Variants in PPP4R1 observed in about 807,000 individuals in gnomAD.
PPP4R1 encodes serine/threonine-protein phosphatase 4 regulatory subunit 1.
PPP4R1 carries 42 observed loss-of-function variants against 111.2 expected under a neutral mutation model. The ratio of observed to expected loss-of-function variants is 0.38; its 90% CI spans 0.29 to 0.49. The LOEUF is 0.49. Ranked by LOEUF, PPP4R1 falls within the 20% of genes least tolerant of loss-of-function variation. The pLI is 0.97. For synonymous variants in PPP4R1, 409 were observed against 405.5 expected (o/e 1.01, Z -0.10); for missense variants, 1,012 against 1,161.6 (o/e 0.87, Z 1.87).
intron 2 of PPP4R1, chr18:9,599,857 AAAAAACTC>A (rs1286827431): frequency 1.3e-5 from 2 of 152,116 alleles, no homozygotes; most frequent in Admixed American, 6.5e-5. Context: ...GGGCAGTGGG[AAAAAACTC>A]CTACAGCTGT....
upstream of PPP4R1, chr18:9,614,609 G>GGCGC (rs901272128): frequency 3.8e-6 from 2 of 521,658 alleles, no homozygotes; most frequent in Non-Finnish European, 4.9e-6. The surrounding 1 kb of genome is among the most constrained non-coding windows in gnomAD (Gnocchi z 4.1). Flanking sequence ...GGCTGGCGGG[G>GGCGC]GCGCGCGCGC....
At chr18:9,556,938 A>G (rs2066597201) in intron 15 of PPP4R1, 1 of 247,840 alleles carries the variant, frequency 4.0e-6, no homozygotes, top group Non-Finnish European at 7.7e-6. Context: ...GCATGTACTG[A>G]GGGATGACTG....
intron 9 of PPP4R1, among the ~76,000 whole-genome samples, chr18:9,581,507 T>C (rs2067028641): frequency 6.6e-6 from 1 of 151,464 alleles, no homozygotes; most frequent in East Asian, 2.0e-4. Context: ...GATAGATCAA[T>C]AGAGATTATG....
intron 6 of PPP4R1, 112 bp downstream of exon 6, chr18:9,587,977 A>G (rs2145214856): frequency 2.2e-6 from 3 of 1,361,872 alleles, no homozygotes; most frequent in South Asian, 2.8e-5. Context: ...TCGGCCTCCC[A>G]AAGTGCTGGA....
At chr18:9,589,272 A>T (rs924502626) in intron 4 of PPP4R1, among the ~76,000 whole-genome samples, 1 of 152,172 alleles carries the variant, frequency 6.6e-6, no homozygotes, top group Non-Finnish European at 1.5e-5. Context: ...CCTAATCTCA[A>T]CTTAGTCAAT....
chr18:9,585,000 C>G (rs2067093214), intron 6 of PPP4R1, among the ~76,000 whole-genome samples, 172 bp from the exon 7 acceptor site: 1 of 152,134 alleles, frequency 6.6e-6, no homozygotes, highest in Admixed American at 6.5e-5. Flanking sequence ...TCTTATTTAT[C>G]TAAGTAGGAA....
At chr18:9,592,420 T>C (rs1454199386) in intron 4 of PPP4R1, among the ~76,000 whole-genome samples, 2 of 146,930 alleles carry the variant, frequency 1.4e-5, no homozygotes, top group African/African-American at 2.7e-5. Flanking sequence ...TAAATGTCAC[T>C]AACTTTCTGA....
chr18:9,571,876 A>C (rs2066867863), intron 10 of PPP4R1, among the ~76,000 whole-genome samples: 2 of 152,212 alleles, frequency 1.3e-5, no homozygotes, highest in South Asian at 2.1e-4. Flanking sequence ...TCATGTAGTA[A>C]GGAAATTGTT....
intron 2 of PPP4R1, among the ~76,000 whole-genome samples, chr18:9,596,733 G>A (rs2067296176): frequency 6.6e-6 from 1 of 152,130 alleles, no homozygotes; most frequent in Non-Finnish European, 1.5e-5. Context: ...ATTTTAAAAT[G>A]CTTGTTTTTA....
intron 2 of PPP4R1, among the ~76,000 whole-genome samples, chr18:9,605,663 AT>A: frequency 6.6e-6 from 1 of 151,776 alleles, no homozygotes; most frequent in East Asian, 1.9e-4. Flanking sequence ...AAAAATGTCA[AT>A]TTCATGAATG....
intron 11 of PPP4R1, chr18:9,563,887 G>A (rs1015351082): frequency 1.7e-5 from 3 of 173,072 alleles, no homozygotes; most frequent in Non-Finnish European, 3.7e-5. Context: ...TTTTGGTAGT[G>A]CATGAATCAA....
At chr18:9,557,440 T>A in intron 14 of PPP4R1, 58 bp from the exon 15 acceptor site, 3 of 1,435,746 alleles carry the variant, frequency 2.1e-6, no homozygotes, top group Non-Finnish European at 1.9e-6. Flanking sequence ...ACTTTAACCA[T>A]TAGGCAATAT....
chr18:9,571,018 C>A (rs2066853857), intron 10 of PPP4R1, among the ~76,000 whole-genome samples: 1 of 152,042 alleles, frequency 6.6e-6, no homozygotes, highest in African/African-American at 2.4e-5. Context: ...AACAGAAATT[C>A]CTACAATCAT....
intron 2 of PPP4R1, among the ~76,000 whole-genome samples, chr18:9,601,417 T>C (rs1290220951): frequency 1.3e-5 from 2 of 151,902 alleles, no homozygotes; most frequent in Non-Finnish European, 2.9e-5. Context: ...TTCCAGCTAC[T>C]TGGGAGGCTG....
Position 9,547,600 on chromosome 18 carries a change from T to G in PPP4R1, c.*189A>C. 4 of 571,800 alleles carry G rather than the reference T, an allele frequency of 7.0e-6. No homozygotes were observed. In the East Asian group the frequency reaches 1.1e-4, roughly 16 times the overall value. 35.4% of individuals were successfully genotyped at this position (571,800 alleles called of 1,614,324 possible). ...CCTTAAAGTCAAGATAAGATAATAGTGTTTACTGTACTTTCTCTTGACTCT... is the reference window on the plus strand; with the variant it reads ...CCTTAAAGTCAAGATAAGATAATAGGGTTTACTGTACTTTCTCTTGACTCT... On this transcript the variant is annotated 3_prime_UTR_variant, in exon 20 of 20. Coordinates refer to ENST00000400556, the MANE Select transcript of PPP4R1 (RefSeq NM_001042388.3).
upstream of PPP4R1, among the ~76,000 whole-genome samples, chr18:9,615,761 T>C (rs2067681212): frequency 6.6e-6 from 1 of 152,210 alleles, no homozygotes; most frequent in Non-Finnish European, 1.5e-5. Context: ...AGTAGTTAAT[T>C]AGCTTGTTCC....
intron 14 of PPP4R1, among the ~76,000 whole-genome samples, chr18:9,558,083 AC>A (rs1485527404): frequency 5.9e-5 from 9 of 152,360 alleles, no homozygotes; most frequent in African/African-American, 1.9e-4. Context: ...TAAGTTAAAA[AC>A]ATCCTTTTCT....
At chr18:9,558,947 C>T (rs186776758) in intron 14 of PPP4R1, among the ~76,000 whole-genome samples, 46 of 152,202 alleles carry the variant, frequency 3.0e-4, no homozygotes, top group East Asian at 7.7e-4. Flanking sequence ...GCAAGAACCA[C>T]GGAACTTCTC....
chr18:9,556,820 C>T (rs999022439), intron 15 of PPP4R1, among the ~76,000 whole-genome samples: 2 of 152,124 alleles, frequency 1.3e-5, no homozygotes, highest in African/African-American at 2.4e-5. Flanking sequence ...ACAGTATTCC[C>T]GGATGTGAAA....
Sources: gnomAD v4.1 joint callset for allele counts (sites outside exome capture counted in the v4.1 genomes callset) on GRCh38, gnomAD v4.1.1 for gene constraint, Gnocchi (gnomAD v3.1) non-coding constraint, MANE v1.5 for transcripts, NCBI Gene and HGNC (gene_info 2026-07-23, HGNC 2026-07-21) for gene names.